Variants in FAM9A observed in about 807,000 individuals in gnomAD.
The protein encoded by FAM9A is protein FAM9A.
In FAM9A, 49 loss-of-function variants were observed where a neutral mutation model predicts 25.0. That is an observed-to-expected ratio of 1.96 (90% CI 1.56 to 2.48). The LOEUF (loss-of-function observed/expected upper bound fraction) is 2.48, where lower values mean the gene tolerates loss of function less well. Ranked by LOEUF, FAM9A falls within the 30% of genes most tolerant of loss-of-function variation. The probability of loss-of-function intolerance (pLI) is 0.00; values close to 1 mark genes in which losing one functional copy is unlikely to be tolerated. For missense variants in FAM9A, 266 were observed against 249.3 expected (o/e 1.07, Z -0.45); for synonymous variants, 80 against 85.1 (o/e 0.94, Z 0.33).
At chrX:8,798,565 C>T in intron 3 of FAM9A, 86 bp from the exon 4 acceptor site, 1 of 1,156,571 alleles carries the variant, frequency 8.6e-7, no homozygotes, top group Non-Finnish European at 1.2e-6. Flanking sequence ...TATTTGTGGA[C>T]TTTTTTGGCT....
chrX:8,791,355 A>G lies in FAM9A; in HGVS notation c.955T>C (p.Tyr319His). Residue 319 changes from tyrosine to histidine, a missense_variant, in exon 9 of 10, where the codon TAT becomes CAT. Transcript: ENST00000381003. ...LKAAKDTKDN[Y>H]CIISSSEESE... is the part of the protein sequence containing the mutation. ...TCTTCACTGGAAGAAATGATGCAAT[A>G]ATTGTCTTTAGTGTCCTTGGCAGCC... 1 of 1,206,266 alleles carries G rather than the reference A, an allele frequency of 8.3e-7. No homozygotes were observed. The highest frequency in any genetic ancestry group is 1.1e-6 in the Non-Finnish European group (1 of 893,250).
intron 8 of FAM9A, among the ~76,000 whole-genome samples, chrX:8,791,604 A>G (rs1933472111): frequency 9.0e-6 from 1 of 110,562 alleles, no homozygotes; most frequent in Admixed American, 9.6e-5. Flanking sequence ...TCCAATTGTC[A>G]TGTACTTTGC....
intron 2 of FAM9A, 59 bp from the exon 3 acceptor site, chrX:8,799,153 G>A: frequency 9.3e-7 from 1 of 1,075,835 alleles, no homozygotes; most frequent in Non-Finnish European, 1.3e-6. Flanking sequence ...TGAAAGGAGA[G>A]CCAACGGGAT....
At chrX:8,792,254 G>T (rs893170061) in intron 8 of FAM9A, among the ~76,000 whole-genome samples, 1 of 110,756 alleles carries the variant, frequency 9.0e-6, no homozygotes, top group African/African-American at 3.3e-5. Flanking sequence ...GAACTGAGAC[G>T]GGGCATCACT....
chrX:8,799,933 C>G, intron 2 of FAM9A, 148 bp downstream of exon 2: 1 of 598,436 alleles, frequency 1.7e-6, no homozygotes, highest in East Asian at 3.7e-5. Flanking sequence ...CCCCAGGCAA[C>G]GATGCCAGGG....
chrX:8,798,098 T>C (rs1298243859), intron 5 of FAM9A, 52 bp downstream of exon 5: 29 of 1,128,090 alleles, frequency 2.6e-5, no homozygotes, highest in Middle Eastern at 2.4e-4. Context: ...ACTATAACAG[T>C]TGTATGGTTG....
chrX:8,791,427 A>C (rs1933470666), intron 8 of FAM9A, 48 bp from the exon 9 acceptor site: 6,232 of 905,137 alleles, frequency 6.9e-3, no homozygotes, highest in Non-Finnish European at 8.9e-3. Context: ...TTTACATCTC[A>C]CGTTTTAAAC....
Position 8,795,139 on chromosome X carries a change from T to TCTC in FAM9A, c.767_769dup (p.Gly256dup), listed in dbSNP as rs201085560. 1.6e-5 allele frequency: 18 copies of TCTC among 1,101,825 alleles called. No individual in the cohort carries two copies. In the African/African-American group the frequency reaches 2.4e-4, roughly 15 times the overall value. 90.8% of individuals were successfully genotyped at this position (1,101,825 alleles called of 1,213,427 possible). On this transcript the variant is annotated inframe_insertion, in exon 7 of 10. Transcript: ENST00000381003. Reference sequence around the variant, plus strand: ...TTCCTCTTCTTCTGTTTCTTCTCCTTCTCCTCCTCCTCCTCCTTCTTCTCC... The same window carrying TCTC: ...TTCCTCTTCTTCTGTTTCTTCTCCTTCTCCTCCTCCTCCTCCTCCTTCTTCTCC...
At chrX:8,800,984 C>T (rs1248579376) in intron 1 of FAM9A, among the ~76,000 whole-genome samples, 1 of 87,580 alleles carries the variant, frequency 1.1e-5, no homozygotes, top group East Asian at 3.7e-4. Context: ...TCTCCAGCTC[C>T]CTCCCTGCCC....
chrX:8,799,670 C>T (rs1395897193), intron 2 of FAM9A, among the ~76,000 whole-genome samples: 1 of 61,514 alleles, frequency 1.6e-5, no homozygotes, highest in Non-Finnish European at 3.0e-5. Context: ...TGCCCCCATC[C>T]CTGGCCCCAC....
intron 6 of FAM9A, among the ~76,000 whole-genome samples, chrX:8,795,683 A>C (rs1300613976): frequency 9.0e-6 from 1 of 111,719 alleles, no homozygotes; most frequent in African/African-American, 3.3e-5. Context: ...AATTTCCCAG[A>C]AACAATAATT....
At chrX:8,792,242 A>G (rs1933478803) in intron 8 of FAM9A, among the ~76,000 whole-genome samples, 1 of 111,021 alleles carries the variant, frequency 9.0e-6, no homozygotes, top group Non-Finnish European at 1.9e-5. Context: ...CTGAATATCT[A>G]AGAACTGAGA....
rs1174000932 is a variant in FAM9A, at chrX:8,793,709, A to G, written c.879T>C (p.Val293=). The change falls in exon 8 of 10, where the codon GTT becomes GTC. Residue 293 remains valine (V), a synonymous_variant. Transcript: ENST00000381003. ...KQKRWQQPTG[V]RSWRLREMKP... is the part of the protein sequence containing the mutation. Reference sequence around the variant, plus strand: ...TCATCTCTCTCAGCCTCCAGCTCCTAACACCTGTAGGTTGTTGCCACCTCT... The same window carrying G: ...TCATCTCTCTCAGCCTCCAGCTCCTGACACCTGTAGGTTGTTGCCACCTCT... The G allele has an allele frequency of 8.3e-7, 1 of 1,211,421 alleles. No individual in the cohort carries two copies. Among genetic ancestry groups the G allele is most frequent in the South Asian group, 1.8e-5 (1 of 56,892 alleles).
rs1228928264 is a variant in FAM9A, at chrX:8,793,758, T to G, written c.832-2A>C. On this transcript the variant is annotated splice_acceptor_variant, in intron 7 of 9. Coordinates refer to ENST00000381003, the MANE Select transcript of FAM9A (RefSeq NM_174951.3). LOFTEE classifies it high-confidence loss of function. ...CTTCTGTTTTTCTTGAAATGCTTTC[T>G]AGAAGCACAAAAAAATAGTGATGAA... is the stretch of plus-strand genomic sequence containing the variant. The G allele has an allele frequency of 8.5e-7, 1 of 1,172,361 alleles. No individual in the cohort carries two copies. The highest frequency in any genetic ancestry group is 1.8e-5 in the African/African-American group (1 of 56,476).
At chrX:8,792,201 C>T (rs770324209) in intron 8 of FAM9A, among the ~76,000 whole-genome samples, 1 of 111,035 alleles carries the variant, frequency 9.0e-6, no homozygotes, top group South Asian at 3.9e-4. Context: ...GGCGGCAAGC[C>T]TAAGAGGGGG....
chrX:8,799,954 C>T lies in FAM9A; in HGVS notation c.91+127G>A, dbSNP rs1490617326. 343 of 707,445 alleles carry T rather than the reference C, an allele frequency of 4.8e-4. 2 individuals carry two copies. Among genetic ancestry groups the T allele is most frequent in the Non-Finnish European group, 6.3e-4 (307 of 487,746 alleles). The allele number at this position is 707,445 out of a possible 1,213,427, so 58.3% of individuals were successfully genotyped here. A position where few individuals can be genotyped will look rare whatever the true frequency, so the allele number is the denominator to read the frequency against. ...GCAACGATGCCAGGGCCATTTCCTGCTTTGAAAACCTGGGGCCTCTTAGCA... is the reference window on the plus strand; with the variant it reads ...GCAACGATGCCAGGGCCATTTCCTGTTTTGAAAACCTGGGGCCTCTTAGCA... On this transcript the variant is annotated intron_variant, in intron 2 of 9. Transcript: ENST00000381003.
intron 7 of FAM9A, among the ~76,000 whole-genome samples, chrX:8,793,994 CAT>C (rs764824163): frequency 5.3e-5 from 6 of 112,348 alleles, no homozygotes; most frequent in Non-Finnish European, 1.1e-4. Context: ...ATAATCAACA[CAT>C]ATGTCTTAAT....
chrX:8,801,280 ACTTCCTG>A (rs1933608035), intron 1 of FAM9A, 24 bp downstream of exon 1: 1 of 109,384 alleles, frequency 9.1e-6, no homozygotes, highest in Non-Finnish European at 1.9e-5. Context: ...CGCATGCTCG[ACTTCCTG>A]CCTCCCCACC....
intron 8 of FAM9A, among the ~76,000 whole-genome samples, 198 bp downstream of exon 8, chrX:8,793,460 C>T (rs1349403972): frequency 8.9e-6 from 1 of 111,956 alleles, no homozygotes; most frequent in Non-Finnish European, 1.9e-5. Context: ...TAAATAACTC[C>T]CACAAAACTA....
Sources: allele counts gnomAD v4.1 joint callset (sites outside exome capture counted in the v4.1 genomes callset), GRCh38; gene constraint gnomAD v4.1.1; transcripts MANE v1.5; gene names NCBI Gene and HGNC (gene_info 2026-07-23, HGNC 2026-07-21).